The following CERKL variants were observed in gnomAD, a reference collection of about 807,000 sequenced individuals.
CERKL encodes ceramide kinase-like protein.
CERKL carries 61 observed loss-of-function variants against 63.4 expected under a neutral mutation model. The ratio of observed to expected loss-of-function variants is 0.96; its 90% CI spans 0.78 to 1.19. The LOEUF (loss-of-function observed/expected upper bound fraction) is 1.19, where lower values mean the gene tolerates loss of function less well. CERKL is among the 50% of genes most tolerant of loss of function. CERKL has a pLI of 0.00. For missense variants in CERKL, 675 were observed against 655.5 expected (o/e 1.03, Z -0.33); for synonymous variants, 250 against 230.5 (o/e 1.08, Z -0.77).
intron 2 of CERKL, among the ~76,000 whole-genome samples, chr2:181,581,205 T>C (rs2105859765): frequency 6.6e-6 from 1 of 152,204 alleles, no homozygotes; most frequent in East Asian, 1.9e-4. Context: ...AAATGTCCAG[T>C]TCAATTGAAC....
chr2:181,585,913 C>CA (rs1684743040), intron 2 of CERKL, among the ~76,000 whole-genome samples: 1 of 152,150 alleles, frequency 6.6e-6, no homozygotes, highest in Non-Finnish European at 1.5e-5. Flanking sequence ...GACTTGAACT[C>CA]AGAGTGCTGT....
intron 2 of CERKL, among the ~76,000 whole-genome samples, chr2:181,582,030 T>C (rs990520522): frequency 6.6e-6 from 1 of 152,242 alleles, no homozygotes; most frequent in Non-Finnish European, 1.5e-5. Context: ...TCTCATTTTC[T>C]GTTCTTATTC....
chr2:181,615,621 T>G (rs1188586842), intron 1 of CERKL, among the ~76,000 whole-genome samples: 1 of 152,350 alleles, frequency 6.6e-6, no homozygotes, highest in East Asian at 1.9e-4. Flanking sequence ...TGTCTAACAA[T>G]TTTTTTGGCT....
intron 3 of CERKL, among the ~76,000 whole-genome samples, chr2:181,572,621 A>G (rs996013158): frequency 1.1e-4 from 16 of 149,922 alleles, no homozygotes; most frequent in African/African-American, 3.7e-4. Flanking sequence ...CTTGTAAATC[A>G]CCTCTAAATA....
At chr2:181,598,493 A>G (rs1465588046) in intron 2 of CERKL, among the ~76,000 whole-genome samples, 1 of 151,608 alleles carries the variant, frequency 6.6e-6, no homozygotes, top group East Asian at 1.9e-4. Context: ...CTCGGCACAC[A>G]CCAACAGAAT....
intron 2 of CERKL, among the ~76,000 whole-genome samples, chr2:181,578,595 T>G (rs59762713): frequency 0.37 from 56,413 of 151,538 alleles, 11,032 homozygotes; most frequent in African/African-American, 0.45. Flanking sequence ...ACCATGTTTG[T>G]CCTTGTCTAG....
In CERKL at chr2:181,596,239, CTG is replaced by C. The variant is rs199529396; in HGVS notation, c.481+7596_481+7597del. Reference sequence around the variant, plus strand: ...TCTTAACTCTTATTCTCAGGATACTCTGTCAATGACTAAAGCAGAAATATAAT... The same window carrying C: ...TCTTAACTCTTATTCTCAGGATACTCTCAATGACTAAAGCAGAAATATAAT... On this transcript the variant is annotated intron_variant, in intron 2 of 12. Transcript: ENST00000410087. 5.3e-5 allele frequency among the ~76,000 whole-genome samples: 8 copies of C among 152,330 alleles called. No individual in the cohort carries two copies. In the East Asian group the frequency reaches 7.7e-4, roughly 15 times the overall value.
chr2:181,556,830 C>T (rs936419097), intron 5 of CERKL, among the ~76,000 whole-genome samples: 1 of 152,234 alleles, frequency 6.6e-6, no homozygotes, highest in Non-Finnish European at 1.5e-5. Context: ...CTGTCTTCCA[C>T]AATGGTTGAA....
chr2:181,579,474 C>T lies in CERKL; in HGVS notation c.482-5590G>A, dbSNP rs545573925. On this transcript the variant is annotated intron_variant, in intron 2 of 12. Coordinates refer to ENST00000410087, the MANE Select transcript of CERKL (RefSeq NM_201548.5). ...GTCACTTGCCAATTCTTCATATTTT[C>T]TTTGTCAATTATGGCAGTACTTTAC... Among the ~76,000 whole-genome samples, 562 of 151,876 alleles carry T rather than the reference C, an allele frequency of 3.7e-3. 6 individuals are homozygous for T. Among genetic ancestry groups the T allele is most frequent in the Non-Finnish European group, 5.0e-3 (343 of 67,952 alleles).
rs113085891 is a variant in CERKL at position 181,607,977 on chromosome 2, G to A, written c.239-3898C>T. Among the ~76,000 whole-genome samples the A allele has an allele frequency of 8.0e-3, 1,225 of 152,284 alleles. 19 individuals carry two copies. Among genetic ancestry groups the A allele is most frequent in the African/African-American group, 0.028 (1,153 of 41,566 alleles). ...AAAATCAGCTAGTCAAACAATTAAT[G>A]AAACTGAATATCTTTTCATTTCTTT... On this transcript the variant is annotated intron_variant, in intron 1 of 12. Coordinates refer to ENST00000410087, the MANE Select transcript of CERKL (RefSeq NM_201548.5).
chr2:181,648,264 T>C (rs1343289567), intron 1 of CERKL, among the ~76,000 whole-genome samples: 2 of 152,132 alleles, frequency 1.3e-5, no homozygotes, highest in Admixed American at 1.3e-4. Flanking sequence ...AGACAGAGAA[T>C]TCTAAAATCT....
At chr2:181,557,319 C>T (rs532818685) in intron 5 of CERKL, among the ~76,000 whole-genome samples, 1 of 152,232 alleles carries the variant, frequency 6.6e-6, no homozygotes, top group African/African-American at 2.4e-5. Flanking sequence ...CTTGCCCATG[C>T]CTATGTCCTG....
chr2:181,576,415 A>G (rs1036210308), intron 2 of CERKL, among the ~76,000 whole-genome samples: 1 of 152,214 alleles, frequency 6.6e-6, no homozygotes, highest in Non-Finnish European at 1.5e-5. Context: ...GCAATGTGTG[A>G]TTCTTGATTG....
intron 1 of CERKL, among the ~76,000 whole-genome samples, chr2:181,630,414 T>C (rs1030817054): frequency 6.6e-6 from 1 of 152,206 alleles, no homozygotes; most frequent in Non-Finnish European, 1.5e-5. Context: ...TGTTATGGAC[T>C]GACTTGTGTT....
chr2:181,553,874 T>A (rs181213240), intron 5 of CERKL, among the ~76,000 whole-genome samples: 1 of 152,192 alleles, frequency 6.6e-6, no homozygotes, highest in Non-Finnish European at 1.5e-5. Context: ...TTACATTTTG[T>A]TTCAGGAAAC....
intron 5 of CERKL, among the ~76,000 whole-genome samples, chr2:181,557,281 T>A (rs967568696): frequency 3.9e-5 from 6 of 152,214 alleles, no homozygotes; most frequent in African/African-American, 1.2e-4. Context: ...TTTGTTGCCA[T>A]TGCTTTTGGT....
intron 11 of CERKL, among the ~76,000 whole-genome samples, chr2:181,543,870 C>A (rs571979897): frequency 6.6e-6 from 1 of 151,328 alleles, no homozygotes; most frequent in African/African-American, 2.4e-5. Context: ...TGTAATCCCA[C>A]CTACTCGGGA....
chr2:181,551,995 G>A (rs765293522), intron 5 of CERKL, among the ~76,000 whole-genome samples: 2 of 152,090 alleles, frequency 1.3e-5, no homozygotes, highest in South Asian at 2.1e-4. Flanking sequence ...CATTAAAGAG[G>A]TCCTGTCATT....
chr2:181,624,678 G>A (rs752404547), intron 1 of CERKL, among the ~76,000 whole-genome samples: 25 of 151,998 alleles, frequency 1.6e-4, no homozygotes, highest in African/African-American at 3.4e-4. Context: ...CTGCTCAAGC[G>A]TGGATATATT....
Sources: gnomAD v4.1 joint callset for allele counts (sites outside exome capture counted in the v4.1 genomes callset) on GRCh38, gnomAD v4.1.1 for gene constraint, MANE v1.5 for transcripts, NCBI Gene and HGNC (gene_info 2026-07-23, HGNC 2026-07-21) for gene names.